Variants in ATP8A1 observed in about 807,000 individuals in gnomAD.
ATP8A1 encodes ATPase phospholipid transporting 8A1, also known as phospholipid-transporting ATPase IA.
Under a neutral mutation model 177.7 loss-of-function variants are expected in ATP8A1, and 90 were observed. The observed-to-expected ratio is 0.51, with a 90% CI of 0.43 to 0.60. The LOEUF is 0.60. ATP8A1 is among the 20% of genes least tolerant of loss of function. The pLI is 0.00. For missense variants in ATP8A1, 1,072 were observed against 1,392.8 expected, an observed-to-expected ratio of 0.77 and a Z score of 3.67; for synonymous variants, 493 against 485.9, an observed-to-expected ratio of 1.01 and a Z score of -0.19.
At position 42,491,649 on chromosome 4, in the gene ATP8A1, T is replaced by G. The variant is rs185839675; in HGVS notation, c.2152-5981A>C. On this transcript the variant is annotated intron_variant, in intron 24 of 36. Coordinates refer to ENST00000381668, the MANE Select transcript of ATP8A1 (RefSeq NM_006095.2). ...TTTGGAAAGTATCATAGCATGCAAG[T>G]TGTCATTTTCATTTTGGCAAAACTC... 2.6e-4 allele frequency among the ~76,000 whole-genome samples: 39 copies of G among 152,280 alleles called. No individual in the cohort carries two copies. In the South Asian group the frequency reaches 8.1e-3, roughly 32 times the overall value.
At chr4:42,528,156 C>T (rs866026035) in intron 20 of ATP8A1, among the ~76,000 whole-genome samples, 2 of 152,014 alleles carry the variant, frequency 1.3e-5, no homozygotes, top group Non-Finnish European at 2.9e-5. Context: ...AGTGGGTCTC[C>T]GGGCTCATCC....
chr4:42,414,876 G>C (rs553861001), intron 35 of ATP8A1, 158 bp from the exon 36 acceptor site: 1 of 616,676 alleles, frequency 1.6e-6, no homozygotes, highest in African/African-American at 1.8e-5. Context: ...GATAGCGAAT[G>C]AAATTTCAAG....
intron 5 of ATP8A1, among the ~76,000 whole-genome samples, chr4:42,601,152 C>T (rs564909368): frequency 4.6e-5 from 7 of 150,600 alleles, no homozygotes; most frequent in Middle Eastern, 3.5e-3. Flanking sequence ...TCTCCTGCCT[C>T]GGTCTTCCAG....
intron 15 of ATP8A1, among the ~76,000 whole-genome samples, chr4:42,556,545 C>T (rs527902753): frequency 6.6e-6 from 1 of 152,072 alleles, no homozygotes; most frequent in African/African-American, 2.4e-5. Context: ...TCATTAATAT[C>T]TGAGCAAATA....
intron 31 of ATP8A1, among the ~76,000 whole-genome samples, chr4:42,445,405 T>C (rs925311934): frequency 1.3e-5 from 2 of 152,210 alleles, no homozygotes; most frequent in African/African-American, 4.8e-5. Context: ...TACAGAGATT[T>C]TTTTTTTCTT....
chr4:42,492,085 A>G (rs961754997), intron 24 of ATP8A1, among the ~76,000 whole-genome samples: 3 of 152,242 alleles, frequency 2.0e-5, no homozygotes, highest in Non-Finnish European at 4.4e-5. Context: ...GCTCTCTCAT[A>G]TATGTCCCAG....
intron 4 of ATP8A1, among the ~76,000 whole-genome samples, chr4:42,618,855 T>C (rs979565115): frequency 4.6e-5 from 7 of 152,230 alleles, no homozygotes; most frequent in African/African-American, 1.7e-4. Context: ...TATCTTCATT[T>C]TTTTTACACT....
chr4:42,509,806 C>T (rs968276562), intron 22 of ATP8A1, among the ~76,000 whole-genome samples: 4 of 125,380 alleles, frequency 3.2e-5, no homozygotes, highest in Non-Finnish European at 1.6e-5. Context: ...AAGCCGAGAT[C>T]AAGCCACTGC....
rs192022469 is a variant in ATP8A1, at chr4:42,476,580, T to A, written c.2324+8916A>T. Reference sequence around the variant, plus strand: ...GTTGCAGTCAGCTGAGATCGTGCCATCGCACTCCAGCCTGGGCCACAGGGT... The same window carrying A: ...GTTGCAGTCAGCTGAGATCGTGCCAACGCACTCCAGCCTGGGCCACAGGGT... On this transcript the variant is annotated intron_variant, in intron 25 of 36. Coordinates refer to ENST00000381668, the MANE Select transcript of ATP8A1 (RefSeq NM_006095.2). Among the ~76,000 whole-genome samples, 920 of 150,616 alleles carry A rather than the reference T, an allele frequency of 6.1e-3. 7 individuals are homozygous for A. The highest frequency in any genetic ancestry group is 0.021 in the African/African-American group (844 of 40,900).
rs1323044800 is a variant in ATP8A1 at position 42,590,859 on chromosome 4, A to G, written c.476T>C (p.Val159Ala). 2 of 1,613,318 alleles carry G rather than the reference A, an allele frequency of 1.2e-6. No individual in the cohort carries two copies. Among genetic ancestry groups the G allele is most frequent in the Non-Finnish European group, 1.7e-6 (2 of 1,179,864 alleles). The change falls in exon 7 of 37, where the codon GTG becomes GCG. Residue 159 changes from valine (V) to alanine (A), a missense_variant. This residue lies in a region of ATP8A1 where 344 missense variants were observed against 393.5 expected (regional missense o/e 0.87). Coordinates refer to ENST00000381668, the MANE Select transcript of ATP8A1 (RefSeq NM_006095.2). ...TGCTGGGAGATGTTCCCCATTGGTC[A>G]CTTTCACTATCTCCCCTACTGCCAC... ...EKVAVGEIVK[V>A]TNGEHLPADL...
rs960901181 is a variant in ATP8A1 at position 42,581,283 on chromosome 4, A to G, written c.834+338T>C. 5.3e-5 allele frequency among the ~76,000 whole-genome samples: 8 copies of G among 152,096 alleles called. No individual in the cohort carries two copies. The East Asian group carries it at 5.8e-4, about 11-fold the overall frequency. Reference sequence around the variant, plus strand: ...CGAGTAGCTGGGATTACAGGTGTCCACTACCACGCCCGGCTAATTTTTTGT... The same window carrying G: ...CGAGTAGCTGGGATTACAGGTGTCCGCTACCACGCCCGGCTAATTTTTTGT... On this transcript the variant is annotated intron_variant, in intron 10 of 36. Transcript: ENST00000381668.
chr4:42,631,605 C>T (rs1227742399), intron 1 of ATP8A1, among the ~76,000 whole-genome samples: 2 of 152,162 alleles, frequency 1.3e-5, no homozygotes, highest in African/African-American at 4.8e-5. Flanking sequence ...GACAATGAGG[C>T]CATGATACTT....
At chr4:42,436,483 TC>T (rs887039564) in intron 33 of ATP8A1, among the ~76,000 whole-genome samples, 28 of 152,260 alleles carry the variant, frequency 1.8e-4, no homozygotes, top group African/African-American at 6.8e-4. Flanking sequence ...TCCCTTTTCC[TC>T]TCAGCATTTC....
intron 36 of ATP8A1, 51 bp from the exon 37 acceptor site, chr4:42,413,064 C>T (rs369056661): frequency 2.8e-5 from 41 of 1,478,144 alleles, no homozygotes; most frequent in African/African-American, 1.1e-4. Context: ...TGGAAACCAC[C>T]GTTATTCTGA....
chr4:42,414,880 T>A (rs947535886), intron 35 of ATP8A1, 162 bp from the exon 36 acceptor site: 2 of 615,752 alleles, frequency 3.2e-6, no homozygotes. Context: ...GCGAATGAAA[T>A]TTCAAGTATT....
chr4:42,445,153 T>C (rs1342900649), intron 31 of ATP8A1, among the ~76,000 whole-genome samples: 1 of 152,240 alleles, frequency 6.6e-6, no homozygotes, highest in Non-Finnish European at 1.5e-5. Flanking sequence ...CTCCATGATA[T>C]ATGCACCCAT....
intron 1 of ATP8A1, among the ~76,000 whole-genome samples, chr4:42,651,759 A>T (rs930955): frequency 0.11 from 17,177 of 152,228 alleles, 2,606 homozygotes; most frequent in African/African-American, 0.35. Flanking sequence ...TTTATGGAAG[A>T]CAAACTCTCA....
intron 4 of ATP8A1, among the ~76,000 whole-genome samples, chr4:42,623,663 CAG>C (rs1347992834): frequency 3.3e-5 from 5 of 152,082 alleles, no homozygotes; most frequent in Admixed American, 6.5e-5. Context: ...CACACGGACA[CAG>C]AGGGGAACAC....
chr4:42,454,267 G>T (rs905647113), intron 29 of ATP8A1, among the ~76,000 whole-genome samples: 1 of 152,140 alleles, frequency 6.6e-6, no homozygotes, highest in African/African-American at 2.4e-5. Context: ...TATGCTGTGA[G>T]GTTAGAGGCA....
Sources: gnomAD v4.1 joint callset for allele counts (sites outside exome capture counted in the v4.1 genomes callset) on GRCh38, gnomAD v4.1.1 for gene constraint, gnomAD v4.1.1 regional missense constraint, MANE v1.5 for transcripts, NCBI Gene and HGNC (gene_info 2026-07-23, HGNC 2026-07-21) for gene names.